The following SFMBT2 variants were observed in gnomAD, a reference collection of about 807,000 sequenced individuals.
SFMBT2 encodes Scm like with four mbt domains 2.
In SFMBT2, 38 loss-of-function variants were observed where a neutral mutation model predicts 110.1. The observed-to-expected ratio is 0.35, with a 90% confidence interval of 0.27 to 0.45. SFMBT2 has a LOEUF of 0.45. SFMBT2 is among the 20% of genes least tolerant of loss of function. SFMBT2 has a pLI of 1.00. For missense variants in SFMBT2, 1,011 were observed against 1,094.9 expected, an observed-to-expected ratio of 0.92 and a Z score of 1.08; for synonymous variants, 425 against 425.4, an observed-to-expected ratio of 1.00 and a Z score of 0.01.
At chr10:7,185,691 T>C (rs1026975470) in intron 16 of SFMBT2, among the ~76,000 whole-genome samples, 1 of 152,264 alleles carries the variant, frequency 6.6e-6, no homozygotes, top group African/African-American at 2.4e-5. Context: ...ATTAAGCTTC[T>C]GCCTGGCTTT....
rs1428552637 is a variant in SFMBT2 at position 7,188,629 on chromosome 10, C to T, written c.1803G>A (p.Lys601=). 3.1e-6 allele frequency: 5 copies of T among 1,612,858 alleles called. No individual in the cohort carries two copies. The highest frequency in any genetic ancestry group is 1.7e-5 in the Admixed American group (1 of 59,876). Residue 601 remains lysine, a synonymous_variant, in exon 16 of 21, where the codon AAG becomes AAA. Transcript: ENST00000397167. ...CCAGAATTGAAAACACTTACTTGGC[C>T]TTCAGCGTCTCTTCCTGGAAATTCC... is the stretch of plus-strand genomic sequence containing the variant. ...PHWNFQEETL[K]AKYRGKTYRA...
At chr10:7,299,689 T>C (rs1282248645) in intron 4 of SFMBT2, among the ~76,000 whole-genome samples, 3 of 152,158 alleles carry the variant, frequency 2.0e-5, no homozygotes, top group Non-Finnish European at 4.4e-5. Flanking sequence ...TCCTCAAAGA[T>C]CTAGAACCAG....
intron 7 of SFMBT2, among the ~76,000 whole-genome samples, chr10:7,256,395 A>G (rs536272587): frequency 6.6e-6 from 1 of 152,272 alleles, no homozygotes; most frequent in Non-Finnish European, 1.5e-5. Context: ...GATAGCTACT[A>G]ACACTGATCA....
At chr10:7,406,849 A>T (rs36010100) in intron 1 of SFMBT2, among the ~76,000 whole-genome samples, 3,291 of 152,276 alleles carry the variant, frequency 0.022, 53 homozygotes, top group Middle Eastern at 0.041. Flanking sequence ...AGCAACACAC[A>T]TCAGAACAGA....
chr10:7,375,007 AT>A (rs1221031866), intron 2 of SFMBT2, among the ~76,000 whole-genome samples: 1 of 152,242 alleles, frequency 6.6e-6, no homozygotes, highest in Non-Finnish European at 1.5e-5. Context: ...ACCCATAAAC[AT>A]TTTATCAAGG....
intron 10 of SFMBT2, among the ~76,000 whole-genome samples, chr10:7,224,691 A>G (rs1449383932): frequency 1.3e-5 from 2 of 152,226 alleles, no homozygotes; most frequent in Admixed American, 1.3e-4. Context: ...GGGTCAATTC[A>G]GTATGAGCTT....
intron 7 of SFMBT2, among the ~76,000 whole-genome samples, chr10:7,271,302 A>AG (rs1331085004): frequency 4.0e-5 from 6 of 151,690 alleles, no homozygotes; most frequent in Non-Finnish European, 5.9e-5. Context: ...AAAAAAAAAA[A>AG]AAAAAAAAAT....
rs551773947 is a variant in SFMBT2, at chr10:7,166,672, A to C, written c.2545-2762T>G. Among the ~76,000 whole-genome samples, 4 of 152,308 alleles carry C rather than the reference A, an allele frequency of 2.6e-5. No homozygotes were observed. The South Asian group carries it at 8.3e-4, about 32-fold the overall frequency. ...CATATGGATGCAGAGCTAAGGGCTC[A>C]AACAGGACAGGCAACCAAGCCAGTC... On this transcript the variant is annotated intron_variant, in intron 20 of 20. Transcript: ENST00000397167.
chr10:7,325,063 G>T (rs908335213), intron 4 of SFMBT2, among the ~76,000 whole-genome samples: 1 of 149,366 alleles, frequency 6.7e-6, no homozygotes, highest in Admixed American at 6.7e-5. Flanking sequence ...CACCTCCCAG[G>T]TTCATGCCAT....
chr10:7,335,371 T>C (rs1056038570), intron 4 of SFMBT2, among the ~76,000 whole-genome samples: 2 of 152,122 alleles, frequency 1.3e-5, no homozygotes, highest in Non-Finnish European at 2.9e-5. Flanking sequence ...TATATCACAC[T>C]ATCTTAGGAG....
At chr10:7,217,664 T>C (rs12146285) in intron 11 of SFMBT2, among the ~76,000 whole-genome samples, 40,224 of 151,996 alleles carry the variant, frequency 0.26, 5,724 homozygotes, top group South Asian at 0.4. Flanking sequence ...TGGAAATGAA[T>C]AGAAAGTCAC....
At chr10:7,235,693 T>C (rs58649989) in intron 9 of SFMBT2, among the ~76,000 whole-genome samples, 2,609 of 151,958 alleles carry the variant, frequency 0.017, 58 homozygotes, top group African/African-American at 0.057. Context: ...AAATCCTCAA[T>C]CTCAAAATGA....
At chr10:7,331,430 A>C (rs1349599298) in intron 4 of SFMBT2, among the ~76,000 whole-genome samples, 1 of 152,222 alleles carries the variant, frequency 6.6e-6, no homozygotes, top group Non-Finnish European at 1.5e-5. Context: ...CTTGAATCTA[A>C]TGGTCTTTAC....
intron 12 of SFMBT2, chr10:7,205,077 AT>A: frequency 3.1e-6 from 1 of 319,634 alleles, no homozygotes; most frequent in Non-Finnish European, 4.5e-6. Context: ...TAGGCTGTTT[AT>A]TTTATTTATT....
chr10:7,292,858 TG>T lies in SFMBT2; in HGVS notation c.437-6905del, dbSNP rs1842301041. ...AAATAGAAAAATTAGCCGGGCATGGTGGCAGGTGCCTGTAGTACCAGCTACT... is the reference window on the plus strand; with the variant it reads ...AAATAGAAAAATTAGCCGGGCATGGTGCAGGTGCCTGTAGTACCAGCTACT... On this transcript the variant is annotated intron_variant, in intron 4 of 20. Transcript: ENST00000397167. 2.6e-5 allele frequency among the ~76,000 whole-genome samples: 4 copies of T among 152,072 alleles called. No individual in the cohort carries two copies. In the South Asian group the frequency reaches 8.3e-4, roughly 32 times the overall value.
chr10:7,336,493 G>A (rs1193862520), intron 4 of SFMBT2, among the ~76,000 whole-genome samples: 1 of 152,202 alleles, frequency 6.6e-6, no homozygotes, highest in African/African-American at 2.4e-5. Context: ...GAGATGTAAT[G>A]AGATATCAGG....
At chr10:7,368,945 C>T (rs1284382070) in intron 3 of SFMBT2, among the ~76,000 whole-genome samples, 1 of 152,150 alleles carries the variant, frequency 6.6e-6, no homozygotes, top group Non-Finnish European at 1.5e-5. Context: ...CATGATCTAC[C>T]TTTTCAGGGT....
At chr10:7,366,539 T>G (rs867827886) in intron 4 of SFMBT2, among the ~76,000 whole-genome samples, 3 of 151,934 alleles carry the variant, frequency 2.0e-5, no homozygotes, top group Admixed American at 2.0e-4. Flanking sequence ...TCCAAGTTTA[T>G]ACGTCACTTC....
chr10:7,231,388 A>G (rs1840108485), intron 9 of SFMBT2, among the ~76,000 whole-genome samples: 1 of 152,234 alleles, frequency 6.6e-6, no homozygotes, highest in Non-Finnish European at 1.5e-5. Context: ...AAAAATAGCA[A>G]AGCATTTTCT....
Sources: allele counts gnomAD v4.1 joint callset (sites outside exome capture counted in the v4.1 genomes callset), GRCh38; gene constraint gnomAD v4.1.1; transcripts MANE v1.5; gene names NCBI Gene and HGNC (gene_info 2026-07-23, HGNC 2026-07-21).